Variants in PTPRN2 observed in about 807,000 individuals in gnomAD.
The protein encoded by PTPRN2 is protein tyrosine phosphatase receptor type N2.
A neutral mutation model predicts 118.8 loss-of-function variants in PTPRN2; 74 were observed. The observed-to-expected ratio is 0.62, with a 90% confidence interval of 0.52 to 0.76. The LOEUF is 0.76. Among genes scored for constraint, PTPRN2 ranks in the 30% least tolerant of loss-of-function variants. The pLI, the probability that PTPRN2 is intolerant of heterozygous loss-of-function variation, is 0.00. For missense variants in PTPRN2, 1,481 were observed against 1,394.4 expected (o/e 1.06, Z -0.99); for synonymous variants, 641 against 608.0 (o/e 1.05, Z -0.80).
intron 17 of PTPRN2, among the ~76,000 whole-genome samples, chr7:157,589,605 G>A (rs547143201): frequency 2.0e-5 from 3 of 152,272 alleles, no homozygotes; most frequent in East Asian, 1.9e-4. Context: ...AGAGCTCAAC[G>A]CCTGGGGGTG....
rs149938461 is a variant in PTPRN2 at position 158,320,648 on chromosome 7, G to C, written c.164-3716C>G. ...AGCGTTTGGCTGCTGTCATAGGTGTGTATCGGTATCTCATGATTTTTTATC... is the reference window on the plus strand; with the variant it reads ...AGCGTTTGGCTGCTGTCATAGGTGTCTATCGGTATCTCATGATTTTTTATC... On this transcript the variant is annotated intron_variant, in intron 2 of 22. Transcript: ENST00000389418. 7.0e-4 allele frequency among the ~76,000 whole-genome samples: 106 copies of C among 152,364 alleles called. 1 individual carries two copies. The highest frequency in any genetic ancestry group is 2.4e-3 in the African/African-American group (98 of 41,586).
chr7:157,736,233 C>A (rs2150953631), intron 12 of PTPRN2, among the ~76,000 whole-genome samples: 1 of 152,326 alleles, frequency 6.6e-6, no homozygotes, highest in Middle Eastern at 3.4e-3. Flanking sequence ...GTGTTCCAGG[C>A]TTAAATCTGG....
intron 12 of PTPRN2, among the ~76,000 whole-genome samples, chr7:157,692,090 G>A (rs1797529761): frequency 6.6e-6 from 1 of 152,220 alleles, no homozygotes; most frequent in African/African-American, 2.4e-5. Flanking sequence ...ATGACAGTCT[G>A]CGGAGGGCTC....
intron 2 of PTPRN2, among the ~76,000 whole-genome samples, chr7:158,344,589 C>A (rs1807352151): frequency 6.6e-6 from 1 of 152,056 alleles, no homozygotes; most frequent in Non-Finnish European, 1.5e-5. Context: ...ACGTGGAAAA[C>A]CAGACTTTTC....
chr7:158,221,855 T>G (rs1302515566), intron 3 of PTPRN2, among the ~76,000 whole-genome samples: 1 of 151,894 alleles, frequency 6.6e-6, no homozygotes, highest in Non-Finnish European at 1.5e-5. Context: ...ATATCCAGAA[T>G]CTGTAAGGAA....
intron 2 of PTPRN2, among the ~76,000 whole-genome samples, chr7:158,423,537 TCA>T (rs1815439084): frequency 1.6e-5 from 2 of 122,850 alleles, no homozygotes; most frequent in South Asian, 2.8e-4. Context: ...CTCTGGTTCC[TCA>T]TTTTTTTTTT....
chr7:157,722,326 G>A (rs1227640563), intron 12 of PTPRN2, among the ~76,000 whole-genome samples: 2 of 152,246 alleles, frequency 1.3e-5, no homozygotes, highest in Admixed American at 1.3e-4. Context: ...CGCCAGGGAG[G>A]GGAGGCCTGA....
intron 11 of PTPRN2, among the ~76,000 whole-genome samples, chr7:157,927,385 G>C (rs62475364): frequency 9.2e-5 from 10 of 108,608 alleles, no homozygotes; most frequent in Non-Finnish European, 1.6e-4. Context: ...GGACCCTGAA[G>C]ACAGGAAGCC....
intron 5 of PTPRN2, among the ~76,000 whole-genome samples, chr7:158,168,375 G>A (rs1376416970): frequency 6.6e-6 from 1 of 152,154 alleles, no homozygotes; most frequent in Non-Finnish European, 1.5e-5. Context: ...TGCCTCCCTG[G>A]TGGCTAATGA....
intron 2 of PTPRN2, among the ~76,000 whole-genome samples, chr7:158,475,543 C>T (rs964722761): frequency 2.0e-5 from 3 of 152,144 alleles, no homozygotes; most frequent in African/African-American, 4.8e-5. Context: ...CAGCAAAACA[C>T]CCTCGGGAGG....
intron 6 of PTPRN2, among the ~76,000 whole-genome samples, chr7:158,142,175 C>T (rs1819448519): frequency 6.6e-6 from 1 of 152,254 alleles, no homozygotes; most frequent in South Asian, 2.1e-4. Context: ...TCCACGCAGG[C>T]TTTCCACATG....
At position 157,583,659 on chromosome 7, in the gene PTPRN2, G is replaced by A. The variant is rs775181253; in HGVS notation, c.2497-5519C>T. 7.9e-5 allele frequency among the ~76,000 whole-genome samples: 12 copies of A among 152,314 alleles called. No individual in the cohort carries two copies. The highest frequency in any genetic ancestry group is 1.6e-4 in the Non-Finnish European group (11 of 68,026). On this transcript the variant is annotated intron_variant, in intron 17 of 22. Transcript: ENST00000389418. This position sits in a 1 kb window ranked among gnomAD's most constrained non-coding sequence, Gnocchi z 5.5. Reference sequence around the variant, plus strand: ...AGCACTTTGGGAGGCCAAGGCAGGCGAATCACTTGAGGTCAGGAGTTCGAG... The same window carrying A: ...AGCACTTTGGGAGGCCAAGGCAGGCAAATCACTTGAGGTCAGGAGTTCGAG...
intron 12 of PTPRN2, among the ~76,000 whole-genome samples, chr7:157,733,337 T>C (rs867670168): frequency 1.0e-3 from 20 of 19,930 alleles, no homozygotes; most frequent in Admixed American, 1.5e-3. Flanking sequence ...GTTACTCTTT[T>C]CCGTCCCATG....
chr7:158,169,278 T>A (rs1448876833), intron 5 of PTPRN2, among the ~76,000 whole-genome samples: 1 of 152,178 alleles, frequency 6.6e-6, no homozygotes. Flanking sequence ...AGTCTCCCTC[T>A]TTCATCCAGG....
At chr7:157,678,807 C>G (rs1796787360) in intron 13 of PTPRN2, among the ~76,000 whole-genome samples, 1 of 152,094 alleles carries the variant, frequency 6.6e-6, no homozygotes, top group African/African-American at 2.4e-5. Context: ...AGTCTCTGCC[C>G]TCATGTCGGG....
At chr7:158,261,901 G>A (rs986039206) in intron 3 of PTPRN2, among the ~76,000 whole-genome samples, 2 of 152,222 alleles carry the variant, frequency 1.3e-5, no homozygotes, top group African/African-American at 4.8e-5. Context: ...CACAGTTAGT[G>A]CTCAGGAGGG....
intron 11 of PTPRN2, among the ~76,000 whole-genome samples, chr7:158,017,043 G>T (rs113471186): frequency 2.0e-5 from 3 of 152,210 alleles, no homozygotes; most frequent in African/African-American, 7.2e-5. Flanking sequence ...GTGTGCCTAT[G>T]TGGGAAGCAA....
chr7:158,317,153 G>A (rs547874132), intron 2 of PTPRN2, among the ~76,000 whole-genome samples: 1 of 150,670 alleles, frequency 6.6e-6, no homozygotes, highest in African/African-American at 2.5e-5. Flanking sequence ...AAGGTGGAGA[G>A]AAAGTCCAGT....
intron 1 of PTPRN2, among the ~76,000 whole-genome samples, chr7:158,502,329 A>C (rs1336780917): frequency 3.3e-5 from 5 of 152,252 alleles, no homozygotes; most frequent in Non-Finnish European, 7.3e-5. Flanking sequence ...TTTACAAAAA[A>C]ACTTAGCCAA....
Sources: allele counts gnomAD v4.1 joint callset (sites outside exome capture counted in the v4.1 genomes callset), GRCh38; gene constraint gnomAD v4.1.1; non-coding constraint Gnocchi (gnomAD v3.1); transcripts MANE v1.5; gene names NCBI Gene and HGNC (gene_info 2026-07-23, HGNC 2026-07-21).